The following NDST1 variants were observed in gnomAD, a reference collection of about 807,000 sequenced individuals.
NDST1 encodes bifunctional heparan sulfate N-deacetylase/N-sulfotransferase 1.
In NDST1, 35 loss-of-function variants were observed where a neutral mutation model predicts 92.8. The ratio of observed to expected loss-of-function variants is 0.38; its 90% CI spans 0.29 to 0.50. NDST1 has a LOEUF of 0.50. Among genes scored for constraint, NDST1 ranks in the 20% least tolerant of loss-of-function variants. The pLI is 0.94. For missense variants in NDST1, 822 were observed against 1,182.7 expected, an observed-to-expected ratio of 0.69 and a Z score of 4.47; for synonymous variants, 493 against 500.3, an observed-to-expected ratio of 0.99 and a Z score of 0.19.
chr5:150,544,511 C>A (rs1197085213), intron 10 of NDST1, among the ~76,000 whole-genome samples: 2 of 152,156 alleles, frequency 1.3e-5, no homozygotes, highest in Non-Finnish European at 2.9e-5. Flanking sequence ...ATCCAGCAGG[C>A]CCCCAGAACG....
At position 150,539,257 on chromosome 5, in the gene NDST1, C is replaced by T; in HGVS notation, c.1467C>T (p.Phe489=). The change falls in exon 7 of 15, where the codon TTC becomes TTT. Residue 489 remains phenylalanine (F), a synonymous_variant. Transcript: ENST00000261797. ...MVLPRQTCGL[F]THTIFYNEYP... The stretch of plus-strand genomic sequence containing the variant: ...TCCCACGGCAGACCTGCGGCCTCTT[C>T]ACACACACCATCTTCTACAACGAGT... The T allele has an allele frequency of 6.2e-7, 1 of 1,614,192 alleles. No individual in the cohort carries two copies. The highest frequency in any genetic ancestry group is 1.3e-5 in the African/African-American group (1 of 75,060).
intron 1 of NDST1, 150 bp from the exon 2 acceptor site, chr5:150,520,718 A>G: frequency 2.6e-6 from 1 of 380,888 alleles, no homozygotes; most frequent in Non-Finnish European, 4.6e-6. Context: ...TGGGGCTCAG[A>G]GATATTAAAG....
intron 1 of NDST1, among the ~76,000 whole-genome samples, chr5:150,498,429 G>A (rs1278254667): frequency 1.3e-5 from 2 of 152,192 alleles, no homozygotes; most frequent in African/African-American, 4.8e-5. Context: ...GAGTGATCTT[G>A]TAAGTGTCTG....
At chr5:150,549,428 C>A (rs1401696262) in intron 12 of NDST1, among the ~76,000 whole-genome samples, 1 of 152,278 alleles carries the variant, frequency 6.6e-6, no homozygotes, top group East Asian at 1.9e-4. Flanking sequence ...ACCTGAGGGG[C>A]AGGCAGGGTT....
intron 4 of NDST1, 110 bp from the exon 5 acceptor site, chr5:150,534,757 A>G: frequency 7.4e-7 from 1 of 1,346,944 alleles, no homozygotes; most frequent in Non-Finnish European, 1.1e-6. Flanking sequence ...TAACTCTTCC[A>G]GGCAGCTCCT....
Position 150,539,290 on chromosome 5 carries a change from C to A in NDST1, c.1500C>A (p.Gly500=). 6.2e-7 allele frequency: 1 copy of A among 1,614,150 alleles called. No homozygotes were observed. Among genetic ancestry groups the A allele is most frequent in the Non-Finnish European group, 8.5e-7 (1 of 1,180,028 alleles). ...THTIFYNEYP[G]GSSELDKIIN... ...CCATCTTCTACAACGAGTACCCTGG[C>A]GGCTCCAGTGAGCTGGACAAGATCA... The change falls in exon 7 of 15, where the codon GGC becomes GGA. Residue 500 remains glycine (G), a synonymous_variant. Transcript: ENST00000261797.
chr5:150,517,570 T>C (rs1384687739), intron 1 of NDST1, among the ~76,000 whole-genome samples: 4 of 152,222 alleles, frequency 2.6e-5, no homozygotes, highest in Non-Finnish European at 4.4e-5. Flanking sequence ...TATAATGACA[T>C]GTATCTACCA....
intron 7 of NDST1, 124 bp downstream of exon 7, chr5:150,539,480 G>A: frequency 6.3e-7 from 1 of 1,592,628 alleles, no homozygotes; most frequent in Non-Finnish European, 8.5e-7. Flanking sequence ...CTGGCAGTTG[G>A]GAGACCCACT....
In NDST1 at chr5:150,553,326, C is replaced by T. The variant is rs777554028; in HGVS notation, c.2643C>T (p.Thr881=). 49 of 1,613,016 alleles carry T rather than the reference C, an allele frequency of 3.0e-5. No homozygotes were observed. The Admixed American group carries it at 7.3e-4, about 24-fold the overall frequency. ...GGCTACGAGAGGACCTCCAGAACAC[C>T]AGGTAGCCGTGGCCACCACAGCCAG... is the stretch of plus-strand genomic sequence containing the variant. ...PTWLREDLQN[T]R The change falls in exon 15 of 15, where the codon ACC becomes ACT. Residue 881 remains threonine, a synonymous_variant. Coordinates refer to ENST00000261797, the MANE Select transcript of NDST1 (RefSeq NM_001543.5). This position sits in a 1 kb window ranked among gnomAD's most constrained non-coding sequence, Gnocchi z 4.2.
intron 1 of NDST1, among the ~76,000 whole-genome samples, chr5:150,501,576 G>A (rs1223078523): frequency 2.0e-5 from 3 of 152,214 alleles, no homozygotes; most frequent in East Asian, 3.8e-4. Context: ...CCCCTGGTCT[G>A]TAGGGGCTGT....
chr5:150,513,827 T>C (rs1393908249), intron 1 of NDST1, among the ~76,000 whole-genome samples: 2 of 152,234 alleles, frequency 1.3e-5, no homozygotes, highest in African/African-American at 4.8e-5. Context: ...CCTTTTCTCT[T>C]ATGGGTCCGG....
chr5:150,510,709 C>T (rs1753683252), intron 1 of NDST1, among the ~76,000 whole-genome samples: 1 of 152,236 alleles, frequency 6.6e-6, no homozygotes, highest in South Asian at 2.1e-4. Context: ...TTCTGTTGGG[C>T]CTTCCCTGCC....
rs1351090284 is a variant in NDST1 at position 150,554,233 on chromosome 5, C to A, written c.*901C>A. ...CTGTGGCCGAGGGCTCTCAGAGACC[C>A]CCTTAACCTCCCAAATACTAAGAAG... is the stretch of plus-strand genomic sequence containing the variant. On this transcript the variant is annotated 3_prime_UTR_variant, in exon 15 of 15. Transcript: ENST00000261797. 44 of 397,728 alleles carry A rather than the reference C, an allele frequency of 1.1e-4. No individual in the cohort carries two copies. In the East Asian group the frequency reaches 1.5e-3, roughly 13 times the overall value. 24.6% of individuals were successfully genotyped at this position (397,728 alleles called of 1,614,324 possible).
At position 150,548,193 on chromosome 5, in the gene NDST1, G is replaced by A. The variant is rs371082487; in HGVS notation, c.2146-25G>A. ...TTCCTTTGTGTCCTCCAAGTGGCAT[G>A]CTGACCCTCTTTCCTTGCCTGCAGC... On this transcript the variant is annotated intron_variant, in intron 11 of 14. Transcript: ENST00000261797. 2.0e-5 allele frequency: 32 copies of A among 1,613,954 alleles called. No homozygotes were observed. In the African/African-American group the frequency reaches 3.9e-4, roughly 20 times the overall value.
intron 6 of NDST1, among the ~76,000 whole-genome samples, chr5:150,537,076 G>A (rs550340147): frequency 1.4e-4 from 22 of 152,330 alleles, no homozygotes; most frequent in African/African-American, 4.8e-4. Context: ...GACATTTATC[G>A]CTTCCCCAAT....
Position 150,532,168 on chromosome 5 carries a change from T to TA in NDST1, c.1009-776dup, listed in dbSNP as rs531653172. On this transcript the variant is annotated intron_variant, in intron 3 of 14. Transcript: ENST00000261797. Reference sequence around the variant, plus strand: ...GTTTAATCTTTTTAGAGCAGGGTCTTACAGTTGGACCTGTGTTGGATTCTA... The same window carrying TA: ...GTTTAATCTTTTTAGAGCAGGGTCTTAACAGTTGGACCTGTGTTGGATTCTA... 5.3e-4 allele frequency among the ~76,000 whole-genome samples: 81 copies of TA among 152,312 alleles called. No individual in the cohort carries two copies. The South Asian group carries it at 0.016, about 30-fold the overall frequency.
intron 1 of NDST1, among the ~76,000 whole-genome samples, chr5:150,519,970 G>C (rs563744339): frequency 2.7e-4 from 41 of 152,262 alleles, no homozygotes; most frequent in Middle Eastern, 3.4e-3. Context: ...AGAAGGTCCA[G>C]GGCGGGGGAG....
chr5:150,521,496 C>A lies in NDST1; in HGVS notation c.242C>A (p.Thr81Lys). 1 of 1,614,054 alleles carries A rather than the reference C, an allele frequency of 6.2e-7. No individual in the cohort carries two copies. The highest frequency in any genetic ancestry group is 8.5e-7 in the Non-Finnish European group (1 of 1,180,028). ...GTGCAGGCAGCCACCCCTTCCCGCA[C>A]AGACCCGTTGGTGCTGGTCTTTGTG... ...KPVQAATPSRTDPLVLVFVES... is the reference protein window; with the variant it reads ...KPVQAATPSRKDPLVLVFVES... The change falls in exon 2 of 15, where the codon ACA becomes AAA. Residue 81 changes from threonine (T) to lysine (K), a missense_variant. Transcript: ENST00000261797. This position sits in a 1 kb window ranked among gnomAD's most constrained non-coding sequence, Gnocchi z 5.9.
chr5:150,510,379 A>G (rs1753668545), intron 1 of NDST1, among the ~76,000 whole-genome samples: 1 of 152,228 alleles, frequency 6.6e-6, no homozygotes, highest in African/African-American at 2.4e-5. Context: ...ACTCTGTCAT[A>G]GGCAGATTTG....
Sources: allele counts gnomAD v4.1 joint callset (sites outside exome capture counted in the v4.1 genomes callset), GRCh38; gene constraint gnomAD v4.1.1; non-coding constraint Gnocchi (gnomAD v3.1); transcripts MANE v1.5; gene names NCBI Gene and HGNC (gene_info 2026-07-23, HGNC 2026-07-21).